Variants in FAM110B observed in about 807,000 individuals in gnomAD.
FAM110B encodes the protein family with sequence similarity 110 member B.
Under a neutral mutation model 20.4 loss-of-function variants are expected in FAM110B, and 6 were observed. The observed-to-expected ratio is 0.29, with a 90% confidence interval of 0.16 to 0.58. FAM110B has a LOEUF of 0.58. FAM110B is among the 20% of genes least tolerant of loss of function. The pLI is 0.90. For synonymous variants in FAM110B, 226 were observed against 214.1 expected, an observed-to-expected ratio of 1.06 and a Z score of -0.49; for missense variants, 434 against 498.2, an observed-to-expected ratio of 0.87 and a Z score of 1.23.
Position 58,146,185 on chromosome 8 carries a change from G to T in FAM110B, c.-46G>T, listed in dbSNP as rs534428077. 1 of 1,548,458 alleles carries T rather than the reference G, an allele frequency of 6.5e-7. No homozygotes were observed. The highest frequency in any genetic ancestry group is 1.9e-5 in the Admixed American group (1 of 53,010). On this transcript the variant is annotated 5_prime_UTR_variant, in exon 4 of 4. Transcript: ENST00000519262. Reference sequence around the variant, plus strand: ...GTGTCTATTCAGGCCTTGCGGAGGCGCCCAGAAGAGCATCCAACACGGCTG... The same window carrying T: ...GTGTCTATTCAGGCCTTGCGGAGGCTCCCAGAAGAGCATCCAACACGGCTG...
chr8:58,119,306 C>T (rs1223710742), intron 3 of FAM110B, among the ~76,000 whole-genome samples: 1 of 152,168 alleles, frequency 6.6e-6, no homozygotes, highest in Non-Finnish European at 1.5e-5. Flanking sequence ...GTTCAAGGCA[C>T]CAGCAGATTT....
chr8:58,025,319 C>T (rs901936351), intron 1 of FAM110B, among the ~76,000 whole-genome samples: 1 of 152,048 alleles, frequency 6.6e-6, no homozygotes, highest in Non-Finnish European at 1.5e-5. Flanking sequence ...TCTCCAGACT[C>T]ACAGCAGGAG....
At chr8:58,132,386 C>T (rs1297337127) in intron 3 of FAM110B, among the ~76,000 whole-genome samples, 2 of 150,258 alleles carry the variant, frequency 1.3e-5, no homozygotes, top group South Asian at 2.1e-4. Flanking sequence ...GTGAGGGGGG[C>T]GCTGGCCAGT....
At chr8:58,080,004 C>T (rs141768025) in intron 3 of FAM110B, among the ~76,000 whole-genome samples, 6 of 152,170 alleles carry the variant, frequency 3.9e-5, no homozygotes, top group African/African-American at 7.2e-5. Context: ...GTGCTGGAGA[C>T]GTTATGTGCA....
intron 2 of FAM110B, among the ~76,000 whole-genome samples, chr8:58,058,370 T>C (rs1805590209): frequency 6.7e-6 from 1 of 149,642 alleles, no homozygotes; most frequent in Non-Finnish European, 1.5e-5. Context: ...ACCACAGTCA[T>C]ATAAAGTATA....
At chr8:58,106,212 G>C (rs1806910562) in intron 3 of FAM110B, 1 of 152,180 alleles carries the variant, frequency 6.6e-6, no homozygotes, top group African/African-American at 2.4e-5. Context: ...AAACCTCATA[G>C]TTAGGTCTTC....
At chr8:58,113,481 C>T in intron 3 of FAM110B, 1 of 191,524 alleles carries the variant, frequency 5.2e-6, no homozygotes, top group Non-Finnish European at 1.1e-5. Flanking sequence ...TTCAGATGAG[C>T]ATGGATCAAA....
At chr8:58,013,973 G>A (rs1459371226) in intron 1 of FAM110B, among the ~76,000 whole-genome samples, 1 of 152,162 alleles carries the variant, frequency 6.6e-6, no homozygotes, top group Non-Finnish European at 1.5e-5. Context: ...ACTGGGACAT[G>A]GGCCTCTTGT....
intron 2 of FAM110B, among the ~76,000 whole-genome samples, chr8:58,067,356 A>G (rs1805793216): frequency 6.6e-6 from 1 of 152,190 alleles, no homozygotes; most frequent in African/African-American, 2.4e-5. Flanking sequence ...TTGGAAGGTA[A>G]TGGGAATCTA....
chr8:58,075,275 TTG>T (rs60073899), intron 2 of FAM110B, among the ~76,000 whole-genome samples: 56 of 141,638 alleles, frequency 4.0e-4, no homozygotes, highest in Middle Eastern at 3.5e-3. Context: ...TTTTTTTTTT[TTG>T]TGTGTGTGTG....
intron 3 of FAM110B, among the ~76,000 whole-genome samples, chr8:58,105,369 C>G (rs1380181197): frequency 6.6e-6 from 1 of 151,904 alleles, no homozygotes; most frequent in Non-Finnish European, 1.5e-5. Flanking sequence ...GTTCTGTTGG[C>G]TCAATTTTTA....
intron 3 of FAM110B, among the ~76,000 whole-genome samples, chr8:58,080,218 A>G (rs920253013): frequency 6.6e-6 from 1 of 152,254 alleles, no homozygotes; most frequent in African/African-American, 2.4e-5. Context: ...GCTTTACAAT[A>G]TCAGGGTCAT....
At chr8:58,122,209 C>T (rs547432701) in intron 3 of FAM110B, among the ~76,000 whole-genome samples, 1 of 152,158 alleles carries the variant, frequency 6.6e-6, no homozygotes, top group East Asian at 1.9e-4. Flanking sequence ...CATTTTGGTT[C>T]CTGAATGTGC....
intron 3 of FAM110B, among the ~76,000 whole-genome samples, chr8:58,113,789 G>A (rs978057044): frequency 6.6e-6 from 1 of 152,214 alleles, no homozygotes; most frequent in African/African-American, 2.4e-5. Context: ...ATAAAGAAGT[G>A]TTTGCTGGGC....
At chr8:58,018,256 C>T (rs1804677398) in intron 1 of FAM110B, among the ~76,000 whole-genome samples, 1 of 152,010 alleles carries the variant, frequency 6.6e-6, no homozygotes, top group African/African-American at 2.4e-5. Context: ...ACTTTTATTT[C>T]ATTTAGTTGA....
chr8:58,013,225 A>C (rs948341209), intron 1 of FAM110B, among the ~76,000 whole-genome samples: 3 of 152,220 alleles, frequency 2.0e-5, no homozygotes, highest in Non-Finnish European at 2.9e-5. Context: ...CTGTTACAGA[A>C]TCTTTCCCCA....
chr8:58,060,277 G>A (rs1442364656), intron 2 of FAM110B, among the ~76,000 whole-genome samples: 1 of 152,122 alleles, frequency 6.6e-6, no homozygotes, highest in Non-Finnish European at 1.5e-5. Context: ...TTCTGACATT[G>A]AATTTTGTAG....
chr8:58,010,096 A>G (rs1228137356), intron 1 of FAM110B, among the ~76,000 whole-genome samples: 1 of 152,050 alleles, frequency 6.6e-6, no homozygotes, highest in Non-Finnish European at 1.5e-5. Context: ...AGCTCACTGC[A>G]ACCTCTGCCT....
intron 2 of FAM110B, among the ~76,000 whole-genome samples, chr8:58,051,664 G>T (rs1480789259): frequency 2.6e-5 from 4 of 152,218 alleles, no homozygotes; most frequent in Middle Eastern, 3.4e-3. Flanking sequence ...AACATATTTG[G>T]CATTTCAAAT....
Sources: gnomAD v4.1 joint callset for allele counts (sites outside exome capture counted in the v4.1 genomes callset) on GRCh38, gnomAD v4.1.1 for gene constraint, MANE v1.5 for transcripts, NCBI Gene and HGNC (gene_info 2026-07-23, HGNC 2026-07-21) for gene names.